Variants in CDKAL1 observed in about 807,000 individuals in gnomAD.
The protein encoded by CDKAL1 is CDKAL1 threonylcarbamoyladenosine tRNA methylthiotransferase.
CDKAL1 carries 32 observed loss-of-function variants against 68.2 expected under a neutral mutation model. That is an observed-to-expected ratio of 0.47 (90% confidence interval 0.35 to 0.63). The LOEUF (loss-of-function observed/expected upper bound fraction) is 0.63. Ranked by LOEUF, CDKAL1 falls within the 30% of genes least tolerant of loss-of-function variation. The pLI is 0.00. For missense variants in CDKAL1, 606 were observed against 696.7 expected (o/e 0.87, Z 1.47); for synonymous variants, 234 against 244.3 (o/e 0.96, Z 0.39).
chr6:20,696,588 T>C (rs1447754057), intron 5 of CDKAL1, among the ~76,000 whole-genome samples: 1 of 152,214 alleles, frequency 6.6e-6, no homozygotes, highest in African/African-American at 2.4e-5. Context: ...AACAAAAAAC[T>C]GTTTGTATTT....
At chr6:20,761,193 C>T (rs544751662) in intron 7 of CDKAL1, among the ~76,000 whole-genome samples, 1 of 152,200 alleles carries the variant, frequency 6.6e-6, no homozygotes, top group South Asian at 2.1e-4. Flanking sequence ...AGTGAATTAC[C>T]AATTAAAGCA....
At chr6:20,557,180 G>A (rs1764090277) in intron 4 of CDKAL1, among the ~76,000 whole-genome samples, 1 of 151,946 alleles carries the variant, frequency 6.6e-6, no homozygotes, top group Non-Finnish European at 1.5e-5. Flanking sequence ...TTACAGTGAA[G>A]TGTTTAGTTA....
chr6:20,839,138 A>G (rs1375573385), intron 8 of CDKAL1, among the ~76,000 whole-genome samples: 2 of 152,060 alleles, frequency 1.3e-5, no homozygotes, highest in Non-Finnish European at 2.9e-5. Flanking sequence ...CTTTAATTCT[A>G]AAGATCAATA....
At chr6:20,557,717 A>T (rs531243157) in intron 4 of CDKAL1, among the ~76,000 whole-genome samples, 3 of 152,288 alleles carry the variant, frequency 2.0e-5, no homozygotes, top group East Asian at 1.9e-4. Flanking sequence ...GCCTGAGGTC[A>T]GGAGTTTGAG....
rs187878413 is a variant in CDKAL1, at chr6:20,689,938, A to G, written c.371+40561A>G. 2.4e-3 allele frequency among the ~76,000 whole-genome samples: 363 copies of G among 152,304 alleles called. 2 individuals are homozygous for G. The highest frequency in any genetic ancestry group is 4.3e-3 in the Non-Finnish European group (290 of 68,014). ...AGAATAGCTAACTTTTTGAAATTTC[A>G]TTGTTTGTTAATCCATGGATTTTTA... On this transcript the variant is annotated intron_variant, in intron 5 of 15. Transcript: ENST00000274695.
intron 11 of CDKAL1, among the ~76,000 whole-genome samples, chr6:21,060,054 G>A (rs371235515): frequency 1.4e-4 from 22 of 152,114 alleles, no homozygotes; most frequent in African/African-American, 5.3e-4. Context: ...GGGTAATGCT[G>A]GACTCTTAAA....
At chr6:20,658,565 T>G (rs565789494) in intron 5 of CDKAL1, among the ~76,000 whole-genome samples, 21 of 117,656 alleles carry the variant, frequency 1.8e-4, no homozygotes, top group African/African-American at 8.6e-4. Flanking sequence ...ATGAAAATAT[T>G]GTTTATGTAG....
chr6:21,202,885 G>C lies in CDKAL1; in HGVS notation c.1548+1611G>C, dbSNP rs539129752. Among the ~76,000 whole-genome samples the C allele has an allele frequency of 7.2e-5, 11 of 152,282 alleles. 1 individual carries two copies. In the South Asian group the frequency reaches 2.3e-3, roughly 32 times the overall value. On this transcript the variant is annotated intron_variant, in intron 15 of 15. Transcript: ENST00000274695. ...TGTTATCAGTTCTACCACCAGCCCA[G>C]CTCTGAACCAGAATGGCCCAAAAGT...
intron 9 of CDKAL1, among the ~76,000 whole-genome samples, chr6:20,866,346 G>A (rs777634750): frequency 3.9e-5 from 6 of 152,098 alleles, no homozygotes; most frequent in Non-Finnish European, 8.8e-5. Flanking sequence ...GAAAAGATTA[G>A]CATCTTAGGC....
chr6:20,669,042 A>G (rs1769685009), intron 5 of CDKAL1, among the ~76,000 whole-genome samples: 1 of 152,200 alleles, frequency 6.6e-6, no homozygotes, highest in Non-Finnish European at 1.5e-5. Flanking sequence ...TGTACCAGTT[A>G]ACTTTAACAT....
chr6:21,117,116 G>GT (rs1774452855), intron 13 of CDKAL1, among the ~76,000 whole-genome samples: 1 of 151,770 alleles, frequency 6.6e-6, no homozygotes, highest in Admixed American at 6.6e-5. Context: ...CAACAGCTCT[G>GT]TTTTTTTTCC....
chr6:21,102,350 A>C (rs1582201163), intron 12 of CDKAL1, among the ~76,000 whole-genome samples: 1 of 152,214 alleles, frequency 6.6e-6, no homozygotes, highest in African/African-American at 2.4e-5. Context: ...TCATTTTGGA[A>C]CCCACCCCCG....
At chr6:20,803,944 A>G (rs1037294215) in intron 8 of CDKAL1, among the ~76,000 whole-genome samples, 1 of 152,122 alleles carries the variant, frequency 6.6e-6, no homozygotes, top group African/African-American at 2.4e-5. Flanking sequence ...AGATGTGTTG[A>G]CAAGGGTGGA....
At chr6:21,224,463 G>A (rs1487047077) in intron 15 of CDKAL1, among the ~76,000 whole-genome samples, 1 of 152,126 alleles carries the variant, frequency 6.6e-6, no homozygotes, top group Non-Finnish European at 1.5e-5. Flanking sequence ...GGAGTAAGCC[G>A]AGATTGCGCC....
intron 4 of CDKAL1, among the ~76,000 whole-genome samples, chr6:20,613,775 G>T (rs1223624087): frequency 6.6e-6 from 1 of 151,496 alleles, no homozygotes; most frequent in Admixed American, 6.6e-5. Context: ...CCATGTCTTT[G>T]TATTTATGTA....
At chr6:20,828,010 T>C (rs916251545) in intron 8 of CDKAL1, among the ~76,000 whole-genome samples, 1 of 152,128 alleles carries the variant, frequency 6.6e-6, no homozygotes, top group Non-Finnish European at 1.5e-5. Context: ...AGGCAGCAGA[T>C]CTCTTGTTCT....
At chr6:21,144,983 C>T (rs1302057892) in intron 13 of CDKAL1, among the ~76,000 whole-genome samples, 1 of 152,142 alleles carries the variant, frequency 6.6e-6, no homozygotes, top group Non-Finnish European at 1.5e-5. Context: ...AACCTCATGA[C>T]GTGTCCAGAA....
chr6:21,186,087 G>T (rs1371111492), intron 13 of CDKAL1, among the ~76,000 whole-genome samples: 2 of 151,912 alleles, frequency 1.3e-5, no homozygotes, highest in Admixed American at 6.6e-5. Flanking sequence ...GGGCAGGGGG[G>T]GTCAGGAGAG....
chr6:20,659,677 A>G (rs1444012161), intron 5 of CDKAL1, among the ~76,000 whole-genome samples: 1 of 152,126 alleles, frequency 6.6e-6, no homozygotes, highest in Non-Finnish European at 1.5e-5. Context: ...CCAGCCTTGT[A>G]TATCCCACTG....
Sources: allele counts gnomAD v4.1 joint callset (sites outside exome capture counted in the v4.1 genomes callset), GRCh38; gene constraint gnomAD v4.1.1; transcripts MANE v1.5; gene names NCBI Gene and HGNC (gene_info 2026-07-23, HGNC 2026-07-21).